CCDC60: variants seen among roughly 807,000 people sequenced by gnomAD.
CCDC60 encodes the protein coiled-coil domain containing 60.
Under a neutral mutation model 63.5 loss-of-function variants are expected in CCDC60, and 54 were observed. The observed-to-expected ratio is 0.85, with a 90% CI of 0.68 to 1.07. CCDC60 has a LOEUF of 1.07. CCDC60 is among the 50% of genes least tolerant of loss of function. The probability of loss-of-function intolerance (pLI) is 0.00; values close to 1 mark genes in which losing one functional copy is unlikely to be tolerated. For synonymous variants in CCDC60, 206 were observed against 238.8 expected, an observed-to-expected ratio of 0.86 and a Z score of 1.27; for missense variants, 651 against 684.3, an observed-to-expected ratio of 0.95 and a Z score of 0.54.
intron 1 of CCDC60, among the ~76,000 whole-genome samples, chr12:119,339,553 G>A (rs1002383358): frequency 3.3e-5 from 5 of 152,146 alleles, no homozygotes; most frequent in Middle Eastern, 3.4e-3. Context: ...GGGGGGGGCC[G>A]AGGCAGGAGG....
chr12:119,492,024 G>C (rs1350525091), intron 5 of CCDC60, among the ~76,000 whole-genome samples: 2 of 152,214 alleles, frequency 1.3e-5, no homozygotes, highest in Non-Finnish European at 2.9e-5. Context: ...ACCATGACTT[G>C]TAGTGGCAGA....
intron 1 of CCDC60, among the ~76,000 whole-genome samples, chr12:119,395,362 C>T (rs998037643): frequency 2.6e-5 from 4 of 152,208 alleles, no homozygotes; most frequent in Non-Finnish European, 4.4e-5. Context: ...GTACAGGAAG[C>T]ATGATGCTGG....
intron 2 of CCDC60, among the ~76,000 whole-genome samples, chr12:119,438,631 C>G (rs563944646): frequency 6.6e-6 from 1 of 152,280 alleles, no homozygotes; most frequent in South Asian, 2.1e-4. Context: ...TTTTTGAGAA[C>G]AATATGGATG....
intron 1 of CCDC60, among the ~76,000 whole-genome samples, chr12:119,409,597 G>T (rs1956556432): frequency 6.6e-6 from 1 of 152,134 alleles, no homozygotes; most frequent in South Asian, 2.1e-4. Context: ...AATGCAAAAA[G>T]ATAAATGATT....
rs978799213 is a variant in CCDC60 at position 119,540,767 on chromosome 12, A to G, written c.*52A>G. On this transcript the variant is annotated 3_prime_UTR_variant, in exon 14 of 14. Coordinates refer to ENST00000327554, the MANE Select transcript of CCDC60 (RefSeq NM_178499.5). The stretch of plus-strand genomic sequence containing the variant: ...CAGTGGAGGAGTGTTTGCCTATATC[A>G]TGTTCCTGTATCCTGCCTGTGTTCC... 8 of 1,260,222 alleles carry G rather than the reference A, an allele frequency of 6.3e-6. No homozygotes were observed. The African/African-American group carries it at 1.0e-4, about 16-fold the overall frequency. 78.1% of individuals were successfully genotyped at this position (1,260,222 alleles called of 1,614,324 possible). A position where few individuals can be genotyped will look rare whatever the true frequency, so the allele number is the denominator to read the frequency against.
At position 119,510,820 on chromosome 12, in the gene CCDC60, A is replaced by C. The variant is rs562836883; in HGVS notation, c.883+5517A>C. The stretch of plus-strand genomic sequence containing the variant: ...AAGTAAGCAAAGTACGAAAGTGCCC[A>C]CTCCCAGCTGAGTTTAAGCAATCCT... On this transcript the variant is annotated intron_variant, in intron 7 of 13. Transcript: ENST00000327554. Among the ~76,000 whole-genome samples the C allele has an allele frequency of 2.6e-5, 4 of 152,194 alleles. No homozygotes were observed. The South Asian group carries it at 6.2e-4, about 24-fold the overall frequency.
At position 119,512,533 on chromosome 12, in the gene CCDC60, C is replaced by T. The variant is rs1349744254; in HGVS notation, c.884-4090C>T. Among the ~76,000 whole-genome samples the T allele has an allele frequency of 1.3e-5, 2 of 152,148 alleles. 1 individual carries two copies. The highest frequency in any genetic ancestry group is 6.3e-3 in the Middle Eastern group (2 of 316). ...AAGGACAGTGTGCTGCAGGAGTCCACAGGTGGGCACCCTACCAGGTGCAAT... is the reference window on the plus strand; with the variant it reads ...AAGGACAGTGTGCTGCAGGAGTCCATAGGTGGGCACCCTACCAGGTGCAAT... On this transcript the variant is annotated intron_variant, in intron 7 of 13. Coordinates refer to ENST00000327554, the MANE Select transcript of CCDC60 (RefSeq NM_178499.5).
chr12:119,422,511 C>T (rs1344742302), intron 1 of CCDC60, among the ~76,000 whole-genome samples: 2 of 152,178 alleles, frequency 1.3e-5, no homozygotes, highest in Non-Finnish European at 2.9e-5. Context: ...AAAGTGTGAG[C>T]AGGCGTCTTA....
chr12:119,472,120 A>G lies in CCDC60; in HGVS notation c.297A>G (p.Pro99=), dbSNP rs1407326799. The change falls in exon 3 of 14, where the codon CCA becomes CCG. Residue 99 remains proline, a synonymous_variant. Transcript: ENST00000327554. ...LKEEERNKFQ[P]AEKISEIHYG... is the part of the protein sequence containing the mutation. ...AGGAGGAAAGAAATAAATTCCAGCC[A>G]GCCGAAAAGATCTCAGAAATCCACT... 6.2e-7 allele frequency: 1 copy of G among 1,614,090 alleles called. No homozygotes were observed. Among genetic ancestry groups the G allele is most frequent in the Admixed American group, 1.7e-5 (1 of 60,004 alleles).
At chr12:119,527,420 T>G (rs1189061810) in intron 11 of CCDC60, among the ~76,000 whole-genome samples, 1 of 151,868 alleles carries the variant, frequency 6.6e-6, no homozygotes, top group African/African-American at 2.4e-5. Context: ...TAAAACAAAT[T>G]TTTAAAAAGT....
At chr12:119,390,576 G>T (rs1408576201) in intron 1 of CCDC60, among the ~76,000 whole-genome samples, 1 of 152,200 alleles carries the variant, frequency 6.6e-6, no homozygotes, top group African/African-American at 2.4e-5. Context: ...TCAGAGAGTG[G>T]TCATTCTTTC....
chr12:119,340,394 G>C (rs1394611667), intron 1 of CCDC60, among the ~76,000 whole-genome samples: 1 of 152,148 alleles, frequency 6.6e-6, no homozygotes, highest in African/African-American at 2.4e-5. Flanking sequence ...TAGTACCTAG[G>C]TAGACTGGGG....
chr12:119,522,913 C>A (rs1952568398), intron 9 of CCDC60, 26 bp from the exon 10 acceptor site: 1 of 1,612,448 alleles, frequency 6.2e-7, no homozygotes, highest in Non-Finnish European at 8.5e-7. Context: ...CTCTGAGCAA[C>A]TTGAAACCAT....
chr12:119,354,738 G>A (rs930835095), intron 1 of CCDC60, among the ~76,000 whole-genome samples: 3 of 152,178 alleles, frequency 2.0e-5, no homozygotes, highest in Non-Finnish European at 4.4e-5. Context: ...ATTTTGCAAA[G>A]GCTGGCTCTC....
At chr12:119,389,062 T>C (rs141837814) in intron 1 of CCDC60, among the ~76,000 whole-genome samples, 51 of 152,368 alleles carry the variant, frequency 3.3e-4, no homozygotes, top group African/African-American at 1.0e-3. Flanking sequence ...CCCATGCTCA[T>C]GCACATTCAT....
chr12:119,453,420 A>G (rs1408958384), intron 2 of CCDC60, among the ~76,000 whole-genome samples: 1 of 152,212 alleles, frequency 6.6e-6, no homozygotes, highest in Non-Finnish European at 1.5e-5. Flanking sequence ...TCTGCATGTC[A>G]TTTCCTATCC....
chr12:119,361,844 G>A (rs1955794159), intron 1 of CCDC60, among the ~76,000 whole-genome samples: 1 of 152,194 alleles, frequency 6.6e-6, no homozygotes, highest in Non-Finnish European at 1.5e-5. Flanking sequence ...ATATTATGCA[G>A]CCACTAAAAT....
intron 2 of CCDC60, among the ~76,000 whole-genome samples, chr12:119,442,404 A>C (rs938742945): frequency 1.3e-5 from 2 of 152,212 alleles, no homozygotes; most frequent in African/African-American, 4.8e-5. Flanking sequence ...CCTTGAGCCC[A>C]GAAGTTCGAG....
rs1952596595 is a variant in CCDC60 at position 119,523,733 on chromosome 12, G to A, written c.1144G>A (p.Val382Met). 1.2e-6 allele frequency: 2 copies of A among 1,614,072 alleles called. No homozygotes were observed. Among genetic ancestry groups the A allele is most frequent in the East Asian group, 2.2e-5 (1 of 44,898 alleles). ...CATCAACATCCACTACAAGAGTGGG[G>A]TGTGTAACACCATGAGGGCCAAGTT... is the stretch of plus-strand genomic sequence containing the variant. ...CDINIHYKSG[V>M]CNTMRAKFYS... Residue 382 changes from valine (V) to methionine (M), a missense_variant, in exon 11 of 14, where the codon GTG becomes ATG. Coordinates refer to ENST00000327554, the MANE Select transcript of CCDC60 (RefSeq NM_178499.5).
Sources: allele counts gnomAD v4.1 joint callset (sites outside exome capture counted in the v4.1 genomes callset), GRCh38; gene constraint gnomAD v4.1.1; transcripts MANE v1.5; gene names NCBI Gene and HGNC (gene_info 2026-07-23, HGNC 2026-07-21).